Variants in GMDS observed in about 807,000 individuals in gnomAD.
The protein encoded by GMDS is GDP-mannose 4,6-dehydratase.
GMDS carries 20 observed loss-of-function variants against 49.9 expected under a neutral mutation model. The ratio of observed to expected loss-of-function variants is 0.40; its 90% CI spans 0.28 to 0.58. The LOEUF is 0.58. Ranked by LOEUF, GMDS falls within the 20% of genes least tolerant of loss-of-function variation. GMDS has a pLI of 0.42. For synonymous variants in GMDS, 177 were observed against 178.6 expected, an observed-to-expected ratio of 0.99 and a Z score of 0.07; for missense variants, 362 against 481.4, an observed-to-expected ratio of 0.75 and a Z score of 2.32.
chr6:2,240,871 A>G (rs917583620), intron 1 of GMDS, among the ~76,000 whole-genome samples: 2 of 152,204 alleles, frequency 1.3e-5, no homozygotes, highest in African/African-American at 4.8e-5. Flanking sequence ...ATTGGTAGAG[A>G]AAAGGGAAAC....
At chr6:1,753,182 G>A (rs151280012) in intron 7 of GMDS, among the ~76,000 whole-genome samples, 1,945 of 152,206 alleles carry the variant, frequency 0.013, 24 homozygotes, top group Middle Eastern at 0.085. Context: ...ATAAAGGGAT[G>A]GAGGAATATT....
chr6:1,825,457 C>A (rs965044786), intron 7 of GMDS, among the ~76,000 whole-genome samples: 1 of 152,136 alleles, frequency 6.6e-6, no homozygotes, highest in Admixed American at 6.5e-5. Flanking sequence ...CTAGTTTGAA[C>A]ACAGTCATGC....
intron 6 of GMDS, among the ~76,000 whole-genome samples, chr6:1,944,852 G>C (rs1280536532): frequency 1.3e-5 from 2 of 152,130 alleles, no homozygotes; most frequent in African/African-American, 4.8e-5. Context: ...ATGCAATCAT[G>C]TCTCCTTCCA....
chr6:2,166,622 G>C (rs1777683419), intron 1 of GMDS, among the ~76,000 whole-genome samples: 1 of 152,204 alleles, frequency 6.6e-6, no homozygotes, highest in South Asian at 2.1e-4. Context: ...GAATGGCAGA[G>C]TAAGAAGATT....
intron 7 of GMDS, among the ~76,000 whole-genome samples, chr6:1,794,996 C>T (rs1374331186): frequency 6.6e-6 from 1 of 152,004 alleles, no homozygotes; most frequent in African/African-American, 2.4e-5. Flanking sequence ...TTGAGACCAG[C>T]CTGGGAAACA....
Position 2,117,350 on chromosome 6 carries a change from T to C in GMDS, c.235+119A>G, listed in dbSNP as rs922460660. ...CGTATTCAGTGCAGTAATTCATGGG[T>C]AAGTAATTGTGACTTGTTGGGCTTT... On this transcript the variant is annotated intron_variant, in intron 3 of 10. Coordinates refer to ENST00000380815, the MANE Select transcript of GMDS (RefSeq NM_001500.4). 7.2e-6 allele frequency: 5 copies of C among 689,990 alleles called. No individual in the cohort carries two copies. The African/African-American group carries it at 9.0e-5, about 12-fold the overall frequency. The allele number at this position is 689,990 out of a possible 1,614,324, so 42.7% of individuals were successfully genotyped here. A position where few individuals can be genotyped will look rare whatever the true frequency, so the allele number is the denominator to read the frequency against.
chr6:1,661,167 C>T (rs955263290), intron 9 of GMDS, among the ~76,000 whole-genome samples: 2 of 152,106 alleles, frequency 1.3e-5, no homozygotes, highest in Admixed American at 1.3e-4. Flanking sequence ...CTGTAACTGG[C>T]CTGAAGTCTG....
Position 1,778,538 on chromosome 6 carries a change from T to C in GMDS, c.772-35952A>G, listed in dbSNP as rs1187154017. 2.0e-5 allele frequency among the ~76,000 whole-genome samples: 3 copies of C among 152,148 alleles called. No homozygotes were observed. The highest frequency in any genetic ancestry group is 4.1e-4 in the South Asian group (2 of 4,830). ...GCCTGGAGTGTTCCAAGATCTAAAA[T>C]AGGTTAGTTTGTAAAACATGCCATA... On this transcript the variant is annotated intron_variant, in intron 7 of 10. Transcript: ENST00000380815. This position sits in a 1 kb window ranked among gnomAD's most constrained non-coding sequence, Gnocchi z 4.6.
chr6:2,084,251 C>T (rs926476383), intron 4 of GMDS, among the ~76,000 whole-genome samples: 3 of 152,078 alleles, frequency 2.0e-5, no homozygotes, highest in Non-Finnish European at 2.9e-5. Context: ...GAGGCATCTG[C>T]GTTTGAGAGG....
intron 9 of GMDS, among the ~76,000 whole-genome samples, chr6:1,697,886 T>C (rs937648764): frequency 5.3e-5 from 8 of 152,234 alleles, no homozygotes; most frequent in Admixed American, 4.6e-4. Context: ...GGGGAAAATA[T>C]GATGGAAGCA....
intron 8 of GMDS, among the ~76,000 whole-genome samples, chr6:1,738,009 C>G (rs57849524): frequency 0.5 from 61,805 of 123,396 alleles, 13,358 homozygotes; most frequent in East Asian, 0.68. Context: ...CACACACAGA[C>G]ACACATACAC....
chr6:1,969,119 G>T (rs951845796), intron 4 of GMDS, among the ~76,000 whole-genome samples: 2 of 151,552 alleles, frequency 1.3e-5, no homozygotes, highest in African/African-American at 4.8e-5. Context: ...AAAATTAGCT[G>T]GGCATGGTGG....
At chr6:1,666,527 C>T (rs181085444) in intron 9 of GMDS, among the ~76,000 whole-genome samples, 18 of 152,292 alleles carry the variant, frequency 1.2e-4, no homozygotes, top group Admixed American at 1.1e-3. Context: ...AAAGGTTATA[C>T]ACTCAATGAT....
chr6:1,658,974 T>C (rs1763978213), intron 9 of GMDS, among the ~76,000 whole-genome samples: 1 of 152,234 alleles, frequency 6.6e-6, no homozygotes, highest in Non-Finnish European at 1.5e-5. Flanking sequence ...GAGGCAGGTT[T>C]GAGTTTAATA....
chr6:1,882,217 C>T (rs1313013120), intron 7 of GMDS, among the ~76,000 whole-genome samples: 7 of 152,114 alleles, frequency 4.6e-5, no homozygotes, highest in Admixed American at 4.6e-4. Context: ...TTCTTCATAG[C>T]CCTTGGTCCC....
chr6:2,241,659 C>A (rs1298927699), intron 1 of GMDS, among the ~76,000 whole-genome samples: 1 of 152,172 alleles, frequency 6.6e-6, no homozygotes, highest in Non-Finnish European at 1.5e-5. Context: ...ACCCCACACC[C>A]CACCCCACCT....
At chr6:1,654,070 C>T (rs1257129809) in intron 9 of GMDS, among the ~76,000 whole-genome samples, 1 of 152,118 alleles carries the variant, frequency 6.6e-6, no homozygotes, top group Non-Finnish European at 1.5e-5. Context: ...ATCTCATACC[C>T]ATTAGGAGGT....
intron 1 of GMDS, among the ~76,000 whole-genome samples, chr6:2,225,952 T>C (rs1451192186): frequency 6.6e-6 from 1 of 151,910 alleles, no homozygotes; most frequent in Non-Finnish European, 1.5e-5. Context: ...CCTGCCATTC[T>C]CACTTCCTGG....
At chr6:1,752,057 C>T (rs1452797966) in intron 7 of GMDS, among the ~76,000 whole-genome samples, 1 of 152,160 alleles carries the variant, frequency 6.6e-6, no homozygotes, top group Non-Finnish European at 1.5e-5. Context: ...CAGAAGTAGG[C>T]TTCAGAAGGT....
Sources: gnomAD v4.1 joint callset for allele counts (sites outside exome capture counted in the v4.1 genomes callset) on GRCh38, gnomAD v4.1.1 for gene constraint, Gnocchi (gnomAD v3.1) non-coding constraint, MANE v1.5 for transcripts, NCBI Gene and HGNC (gene_info 2026-07-23, HGNC 2026-07-21) for gene names.